The following TAF5 variants were observed in gnomAD, a reference collection of about 807,000 sequenced individuals.
The protein encoded by TAF5 is transcription initiation factor TFIID subunit 5.
In TAF5, 20 loss-of-function variants were observed where a neutral mutation model predicts 80.9. The observed-to-expected ratio is 0.25, with a 90% CI of 0.17 to 0.36. The LOEUF is 0.36. Ranked by LOEUF, TAF5 falls within the 10% of genes least tolerant of loss-of-function variation. The probability of loss-of-function intolerance (pLI) is 1.00; values close to 1 mark genes in which losing one functional copy is unlikely to be tolerated. For synonymous variants in TAF5, 388 were observed against 406.4 expected, an observed-to-expected ratio of 0.95 and a Z score of 0.55; for missense variants, 863 against 1,029.4, an observed-to-expected ratio of 0.84 and a Z score of 2.21.
Position 103,374,614 on chromosome 10 carries a change from T to G in TAF5, c.797+1019T>G, listed in dbSNP as rs1258940739. Among the ~76,000 whole-genome samples, 1 of 152,060 alleles carries G rather than the reference T, an allele frequency of 6.6e-6. No individual in the cohort carries two copies. The highest frequency in any genetic ancestry group is 1.9e-4 in the East Asian group (1 of 5,192). ...CTTTTATGGAGGAAGACAGGAAAAA[T>G]GGATATTTGGGGAGAGCGAAGCCTT... On this transcript the variant is annotated intron_variant, in intron 2 of 10. Transcript: ENST00000369839. This position sits in a 1 kb window ranked among gnomAD's most constrained non-coding sequence, Gnocchi z 4.3.
chr10:103,384,043 T>C (rs2093389679), intron 7 of TAF5, among the ~76,000 whole-genome samples: 1 of 152,296 alleles, frequency 6.6e-6, no homozygotes, highest in East Asian at 1.9e-4. Context: ...AGGGGTTGAA[T>C]TGCTTCATTG....
intron 2 of TAF5, among the ~76,000 whole-genome samples, chr10:103,377,369 A>G (rs934883462): frequency 1.3e-5 from 2 of 152,184 alleles, no homozygotes; most frequent in African/African-American, 4.8e-5. Flanking sequence ...ATGAGTTGTA[A>G]TGGGGTAACA....
At chr10:103,383,942 T>C (rs775021521) in intron 7 of TAF5, among the ~76,000 whole-genome samples, 1 of 134,398 alleles carries the variant, frequency 7.4e-6, no homozygotes, top group African/African-American at 2.5e-5. Flanking sequence ...AAAAATTAGC[T>C]TTAGTATTTC....
At chr10:103,375,163 G>C (rs2093367777) in intron 2 of TAF5, among the ~76,000 whole-genome samples, 1 of 149,484 alleles carries the variant, frequency 6.7e-6, no homozygotes, top group African/African-American at 2.4e-5. Context: ...AGGCATTTTT[G>C]GTTGTCATAA....
chr10:103,386,937 G>A (rs1348992961), intron 8 of TAF5, among the ~76,000 whole-genome samples: 1 of 150,826 alleles, frequency 6.6e-6, no homozygotes, highest in East Asian at 1.9e-4. Flanking sequence ...TGCTAGAAGT[G>A]TAAGCGTGAG....
rs1296539925 is a variant in TAF5, at chr10:103,388,091, G to A, written c.2271G>A (p.Gly757=). ...LETDDFTTAT[G]HINLPENSQE... Reference sequence around the variant, plus strand: ...CCGATGACTTTACTACAGCCACTGGGCATATAAATTTACCTGAGAATTCAC... The same window carrying A: ...CCGATGACTTTACTACAGCCACTGGACATATAAATTTACCTGAGAATTCAC... Residue 757 remains glycine (G), a synonymous_variant, in exon 11 of 11, where the codon GGG becomes GGA. Coordinates refer to ENST00000369839, the MANE Select transcript of TAF5 (RefSeq NM_006951.5). 3 of 1,614,032 alleles carry A rather than the reference G, an allele frequency of 1.9e-6. No individual in the cohort carries two copies. The highest frequency in any genetic ancestry group is 1.1e-5 in the South Asian group (1 of 91,082).
At position 103,368,262 on chromosome 10, in the gene TAF5, G is replaced by T; in HGVS notation, c.273G>T (p.Pro91=). ...VPAAAPDAGA[P]HDRQTLLAVL... ...CCGCTGCTCCGGACGCCGGCGCTCC[G>T]CATGACCGACAGACTCTACTGGCCG... The change falls in exon 1 of 11, where the codon CCG becomes CCT. Residue 91 remains proline, a synonymous_variant. Transcript: ENST00000369839. 1 of 1,540,652 alleles carries T rather than the reference G, an allele frequency of 6.5e-7. No homozygotes were observed. The highest frequency in any genetic ancestry group is 8.7e-7 in the Non-Finnish European group (1 of 1,151,830).
intron 5 of TAF5, among the ~76,000 whole-genome samples, chr10:103,380,958 T>G (rs2093381453): frequency 6.6e-6 from 1 of 151,798 alleles, no homozygotes; most frequent in Non-Finnish European, 1.5e-5. Context: ...TTAATTTAAT[T>G]TCATTTTTTG....
chr10:103,376,717 G>A (rs1031728452), intron 2 of TAF5, among the ~76,000 whole-genome samples: 5 of 151,992 alleles, frequency 3.3e-5, no homozygotes, highest in Non-Finnish European at 7.4e-5. Context: ...ACATAGCCTG[G>A]GCAAAAGAAC....
chr10:103,379,567 G>T, intron 3 of TAF5, 41 bp from the exon 4 acceptor site: 2 of 1,482,346 alleles, frequency 1.3e-6, no homozygotes, highest in Non-Finnish European at 1.8e-6. Flanking sequence ...GTATATTAAT[G>T]AATAAATAAT....
intron 1 of TAF5, among the ~76,000 whole-genome samples, chr10:103,372,428 G>A (rs1466837055): frequency 2.0e-5 from 3 of 150,226 alleles, no homozygotes; most frequent in Non-Finnish European, 4.4e-5. Flanking sequence ...TCCACCTCCC[G>A]AGTTCATGCC....
chr10:103,378,201 A>G lies in TAF5; in HGVS notation c.798-34A>G. The G allele has an allele frequency of 6.3e-7, 1 of 1,579,046 alleles. No homozygotes were observed. The highest frequency in any genetic ancestry group is 1.2e-5 in the South Asian group (1 of 86,012). On this transcript the variant is annotated intron_variant, in intron 2 of 10. Transcript: ENST00000369839. The surrounding 1 kb of genome is among the most constrained non-coding windows in gnomAD (Gnocchi z 4.1). The stretch of plus-strand genomic sequence containing the variant: ...GAAAGGCAGATCCCTTAATGATTAC[A>G]TTGAAAAATGACTTTTTAAAATCAC...
chr10:103,372,625 C>T (rs2093362210), intron 1 of TAF5, among the ~76,000 whole-genome samples: 2 of 150,652 alleles, frequency 1.3e-5, no homozygotes, highest in Admixed American at 6.6e-5. Context: ...GGAGCCACCG[C>T]ACCCGGCGGC....
At position 103,368,045 on chromosome 10, in the gene TAF5, G is replaced by T. The variant is rs928310747; in HGVS notation, c.56G>T (p.Gly19Val). Residue 19 changes from glycine (G) to valine (V), a missense_variant, in exon 1 of 11, where the codon GGA (glycine) becomes GTA (valine). Transcript: ENST00000369839. Reference sequence around the variant, plus strand: ...GTGGCGGTCAAGCTAGAGCCTGAGGGACCGCCAACGCTGCTACCTCCGCAG... The same window carrying T: ...GTGGCGGTCAAGCTAGAGCCTGAGGTACCGCCAACGCTGCTACCTCCGCAG... ...TEVAVKLEPE[G>V]PPTLLPPQAG... is the part of the protein sequence containing the mutation. 6 of 1,449,196 alleles carry T rather than the reference G, an allele frequency of 4.1e-6. No individual in the cohort carries two copies. In the African/African-American group the frequency reaches 6.0e-5, roughly 14 times the overall value. The allele number at this position is 1,449,196 out of a possible 1,614,324, so 89.8% of individuals were successfully genotyped here. A position where few individuals can be genotyped will look rare whatever the true frequency, so the allele number is the denominator to read the frequency against.
chr10:103,380,122 T>A, intron 5 of TAF5, 103 bp downstream of exon 5: 4 of 1,338,102 alleles, frequency 3.0e-6, no homozygotes. Context: ...AGTTTCGTTA[T>A]TTAAACTCCT....
chr10:103,380,361 C>T (rs2093379780), intron 5 of TAF5, among the ~76,000 whole-genome samples: 1 of 152,166 alleles, frequency 6.6e-6, no homozygotes, highest in Admixed American at 6.5e-5. Flanking sequence ...ATCTCCTGAC[C>T]TTGTGATCCG....
At chr10:103,372,635 C>G (rs540077078) in intron 1 of TAF5, among the ~76,000 whole-genome samples, 1 of 150,416 alleles carries the variant, frequency 6.6e-6, no homozygotes, top group Non-Finnish European at 1.5e-5. Flanking sequence ...CACCCGGCGG[C>G]TCATACTCGT....
rs538697056 is a variant in TAF5, at chr10:103,381,744, T to C, written c.1437T>C (p.Thr479=). ...AYQGLTAVDV[T]DDSSLIAGGF... Reference sequence around the variant, plus strand: ...AGGGTCTCACTGCAGTGGATGTCACTGATGATTCTAGTCTGATTGCTGGAG... The same window carrying C: ...AGGGTCTCACTGCAGTGGATGTCACCGATGATTCTAGTCTGATTGCTGGAG... Residue 479 remains threonine (T), a synonymous_variant, in exon 6 of 11, where the codon ACT becomes ACC. Transcript: ENST00000369839. The C allele has an allele frequency of 1.2e-6, 2 of 1,614,174 alleles. No individual in the cohort carries two copies. The highest frequency in any genetic ancestry group is 3.3e-5 in the Admixed American group (2 of 60,006).
chr10:103,373,693 G>T, intron 2 of TAF5, 98 bp downstream of exon 2: 1 of 908,418 alleles, frequency 1.1e-6, no homozygotes, highest in Non-Finnish European at 1.6e-6. Flanking sequence ...ATGTAAGACT[G>T]CAACTTAAAA....
Sources: gnomAD v4.1 joint callset for allele counts (sites outside exome capture counted in the v4.1 genomes callset) on GRCh38, gnomAD v4.1.1 for gene constraint, Gnocchi (gnomAD v3.1) non-coding constraint, MANE v1.5 for transcripts, NCBI Gene and HGNC (gene_info 2026-07-23, HGNC 2026-07-21) for gene names.